CYSTM1: variants seen among roughly 807,000 people sequenced by gnomAD.
The protein encoded by CYSTM1 is cysteine rich transmembrane module containing 1.
A neutral mutation model predicts 13.1 loss-of-function variants in CYSTM1; 4 were observed. The ratio of observed to expected loss-of-function variants is 0.31; its 90% CI spans 0.15 to 0.70. The LOEUF (loss-of-function observed/expected upper bound fraction) is 0.70. CYSTM1 is among the 30% of genes least tolerant of loss of function. The pLI, the probability that CYSTM1 is intolerant of heterozygous loss-of-function variation, is 0.72. For missense variants in CYSTM1, 96 were observed against 121.6 expected (o/e 0.79, Z 0.99); for synonymous variants, 36 against 42.7 (o/e 0.84, Z 0.62).
intron 2 of CYSTM1, among the ~76,000 whole-genome samples, chr5:140,213,609 T>C (rs528753141): frequency 6.6e-6 from 1 of 152,356 alleles, no homozygotes; most frequent in East Asian, 1.9e-4. Context: ...GCTCCATTCA[T>C]GGTAAGTGCT....
chr5:140,229,877 AT>A (rs1265075628), intron 2 of CYSTM1, among the ~76,000 whole-genome samples: 1 of 147,554 alleles, frequency 6.8e-6, no homozygotes, highest in African/African-American at 2.5e-5. Context: ...TTGCATTTTT[AT>A]TTTATTTTTT....
chr5:140,194,298 G>T, intron 1 of CYSTM1, 148 bp from the exon 2 acceptor site: 1 of 713,166 alleles, frequency 1.4e-6, no homozygotes, highest in East Asian at 3.2e-5. Context: ...GTGATGGTGA[G>T]AAGGAAACAA....
At chr5:140,206,027 G>A (rs1288664011) in intron 2 of CYSTM1, among the ~76,000 whole-genome samples, 1 of 152,132 alleles carries the variant, frequency 6.6e-6, no homozygotes, top group Non-Finnish European at 1.5e-5. Context: ...TTTGTGAGCG[G>A]GCTGCTGCCA....
At chr5:140,185,680 G>C (rs764195819) in intron 1 of CYSTM1, among the ~76,000 whole-genome samples, 3 of 152,200 alleles carry the variant, frequency 2.0e-5, no homozygotes, top group Non-Finnish European at 4.4e-5. Flanking sequence ...TGGGAGCACT[G>C]CTACCATCTT....
chr5:140,188,163 C>T (rs934929883), intron 1 of CYSTM1, among the ~76,000 whole-genome samples: 2 of 149,060 alleles, frequency 1.3e-5, no homozygotes, highest in Non-Finnish European at 3.0e-5. Flanking sequence ...GCAGCTCAAA[C>T]TCCTGGGCTG....
chr5:140,175,715 C>CGGGGGCA lies in CYSTM1; in HGVS notation c.-21+440_-21+446dup, dbSNP rs1439820875. Among the ~76,000 whole-genome samples the CGGGGGCA allele has an allele frequency of 6.6e-6, 1 of 152,154 alleles. No individual in the cohort carries two copies. The highest frequency in any genetic ancestry group is 1.5e-5 in the Non-Finnish European group (1 of 68,018). ...TCTGCCTATTCCGAGCTGGGCCAGC[C>CGGGGGCA]GGGGGCAGGGGGCAGGTCGCGAGTC... On this transcript the variant is annotated intron_variant, in intron 1 of 2. Transcript: ENST00000261811. The surrounding 1 kb of genome is among the most constrained non-coding windows in gnomAD (Gnocchi z 4.9).
chr5:140,178,441 C>CTTTTTTT lies in CYSTM1; in HGVS notation c.-21+3175_-21+3181dup, dbSNP rs577709524. Among the ~76,000 whole-genome samples, 14 of 52,666 alleles carry CTTTTTTT rather than the reference C, an allele frequency of 2.7e-4. 2 individuals are homozygous for CTTTTTTT. The highest frequency in any genetic ancestry group is 1.1e-3 in the African/African-American group (13 of 11,822). 34.6% of individuals were successfully genotyped at this position (52,666 alleles called of 152,430 possible). A position where few individuals can be genotyped will look rare whatever the true frequency, so the allele number is the denominator to read the frequency against. ...TGGAAAAGCCCTATTCAAGTCCTTC[C>CTTTTTTT]TTTTTTTTTTTTTTTTTTTTTTTTT... On this transcript the variant is annotated intron_variant, in intron 1 of 2. Transcript: ENST00000261811.
chr5:140,235,820 T>C (rs1375633993), intron 2 of CYSTM1, among the ~76,000 whole-genome samples: 1 of 152,180 alleles, frequency 6.6e-6, no homozygotes, highest in Non-Finnish European at 1.5e-5. Context: ...CCGTGGTCCT[T>C]TGGTCTATCT....
At chr5:140,177,288 TTTTATTTATTTG>T (rs1763902493) in intron 1 of CYSTM1, among the ~76,000 whole-genome samples, 1 of 152,050 alleles carries the variant, frequency 6.6e-6, no homozygotes, top group Admixed American at 6.5e-5. Context: ...GTCTATTTTA[TTTTATTTATTTG>T]TTTATTTTTG....
At chr5:140,184,689 G>A (rs1285840272) in intron 1 of CYSTM1, among the ~76,000 whole-genome samples, 1 of 152,134 alleles carries the variant, frequency 6.6e-6, no homozygotes, top group Non-Finnish European at 1.5e-5. Context: ...GTTTATAAAT[G>A]TTATATCTTA....
intron 2 of CYSTM1, among the ~76,000 whole-genome samples, chr5:140,207,017 C>T (rs1047173978): frequency 1.3e-5 from 2 of 152,158 alleles, no homozygotes; most frequent in Non-Finnish European, 2.9e-5. Flanking sequence ...CTGGGACATC[C>T]ATTTGAATCT....
At chr5:140,178,986 C>T (rs1414674093) in intron 1 of CYSTM1, among the ~76,000 whole-genome samples, 5 of 151,776 alleles carry the variant, frequency 3.3e-5, no homozygotes, top group Admixed American at 6.6e-5. Flanking sequence ...TAATCAAGAT[C>T]TGAGGCCCGG....
chr5:140,224,912 T>A (rs2126668446), intron 2 of CYSTM1, among the ~76,000 whole-genome samples: 1 of 152,314 alleles, frequency 6.6e-6, no homozygotes, highest in Middle Eastern at 3.4e-3. Flanking sequence ...CCAGGCACAG[T>A]GGCTCATGCC....
chr5:140,198,012 A>G (rs1259366299), intron 2 of CYSTM1, among the ~76,000 whole-genome samples: 6 of 152,304 alleles, frequency 3.9e-5, no homozygotes, highest in African/African-American at 7.2e-5. Flanking sequence ...TAAGAAGCCA[A>G]CCTTTTGGAA....
chr5:140,190,670 T>G (rs1255463129), intron 1 of CYSTM1, among the ~76,000 whole-genome samples: 1 of 152,236 alleles, frequency 6.6e-6, no homozygotes, highest in Non-Finnish European at 1.5e-5. Flanking sequence ...CTGACCACTT[T>G]CCCAAAGAAT....
intron 2 of CYSTM1, among the ~76,000 whole-genome samples, chr5:140,222,560 T>C (rs1764504149): frequency 6.6e-6 from 1 of 152,262 alleles, no homozygotes; most frequent in Non-Finnish European, 1.5e-5. Flanking sequence ...AACTACTGCA[T>C]AACTAAAAAT....
Position 140,175,243 on chromosome 5 carries a change from G to A in CYSTM1, c.-63G>A, listed in dbSNP as rs1763864696. 6.6e-6 allele frequency: 1 copy of A among 152,388 alleles called. No individual in the cohort carries two copies. The highest frequency in any genetic ancestry group is 6.5e-5 in the Admixed American group (1 of 15,290). 9.4% of individuals were successfully genotyped at this position (152,388 alleles called of 1,614,324 possible). A position where few individuals can be genotyped will look rare whatever the true frequency, so the allele number is the denominator to read the frequency against. On this transcript the variant is annotated 5_prime_UTR_variant, in exon 1 of 3. Coordinates refer to ENST00000261811, the MANE Select transcript of CYSTM1 (RefSeq NM_032412.4). The surrounding 1 kb of genome is among the most constrained non-coding windows in gnomAD (Gnocchi z 4.9). ...CTGCGGGCTGGTCCGGGCTCCTCAGGTTCAGACCCGACCGTTATCCAGTCG... is the reference window on the plus strand; with the variant it reads ...CTGCGGGCTGGTCCGGGCTCCTCAGATTCAGACCCGACCGTTATCCAGTCG...
chr5:140,212,840 G>T (rs1307032453), intron 2 of CYSTM1, among the ~76,000 whole-genome samples: 1 of 151,290 alleles, frequency 6.6e-6, no homozygotes, highest in Admixed American at 6.6e-5. Flanking sequence ...GGTGATACAC[G>T]CCTGTAATCC....
chr5:140,216,108 C>G (rs531458125), intron 2 of CYSTM1, among the ~76,000 whole-genome samples: 1 of 152,088 alleles, frequency 6.6e-6, no homozygotes, highest in Admixed American at 6.5e-5. Context: ...CTCCACTGCA[C>G]TCCAGCTTGG....
Sources: gnomAD v4.1 joint callset for allele counts (sites outside exome capture counted in the v4.1 genomes callset) on GRCh38, gnomAD v4.1.1 for gene constraint, Gnocchi (gnomAD v3.1) non-coding constraint, MANE v1.5 for transcripts, NCBI Gene and HGNC (gene_info 2026-07-23, HGNC 2026-07-21) for gene names.